The following GPR158 variants were observed in gnomAD, a reference collection of about 807,000 sequenced individuals.
GPR158 encodes metabotropic glycine receptor.
GPR158 carries 30 observed loss-of-function variants against 78.2 expected under a neutral mutation model. That is an observed-to-expected ratio of 0.38 (90% CI 0.29 to 0.52). The LOEUF is 0.52. Ranked by LOEUF, GPR158 falls within the 20% of genes least tolerant of loss-of-function variation. The pLI is 0.83. For synonymous variants in GPR158, 581 were observed against 591.1 expected, an observed-to-expected ratio of 0.98 and a Z score of 0.25; for missense variants, 1,463 against 1,523.5, an observed-to-expected ratio of 0.96 and a Z score of 0.66.
chr10:25,273,487 T>C (rs1408118270), intron 2 of GPR158, among the ~76,000 whole-genome samples: 1 of 149,502 alleles, frequency 6.7e-6, no homozygotes, highest in African/African-American at 2.5e-5. Flanking sequence ...GCAGTTGGCA[T>C]ACTTTAAACG....
intron 7 of GPR158, among the ~76,000 whole-genome samples, chr10:25,580,531 A>G (rs931503017): frequency 2.0e-5 from 3 of 151,684 alleles, no homozygotes; most frequent in Non-Finnish European, 4.4e-5. Context: ...ATTACCCTAG[A>G]AGATTAGGCT....
chr10:25,436,956 C>A (rs962027966), intron 4 of GPR158, among the ~76,000 whole-genome samples: 1 of 151,784 alleles, frequency 6.6e-6, no homozygotes, highest in African/African-American at 2.4e-5. Context: ...CTGAGCTACC[C>A]CTAAAGGAGG....
intron 5 of GPR158, among the ~76,000 whole-genome samples, chr10:25,497,320 G>T (rs1051613885): frequency 6.6e-6 from 1 of 152,142 alleles, no homozygotes; most frequent in African/African-American, 2.4e-5. Context: ...CATGTATACT[G>T]GTATTTAAAG....
At chr10:25,561,940 GGGA>G (rs1026712043) in intron 6 of GPR158, among the ~76,000 whole-genome samples, 2 of 152,052 alleles carry the variant, frequency 1.3e-5, no homozygotes, top group Non-Finnish European at 2.9e-5. Flanking sequence ...TCTCACATAT[GGGA>G]GGAGAACAAC....
intron 3 of GPR158, among the ~76,000 whole-genome samples, chr10:25,406,877 T>C (rs762307755): frequency 2.6e-5 from 4 of 152,144 alleles, no homozygotes; most frequent in Non-Finnish European, 5.9e-5. Flanking sequence ...AGATCAACAA[T>C]GAAGAGGAAG....
At chr10:25,537,916 C>T (rs1399529228) in intron 5 of GPR158, among the ~76,000 whole-genome samples, 1 of 152,180 alleles carries the variant, frequency 6.6e-6, no homozygotes, top group Non-Finnish European at 1.5e-5. Flanking sequence ...AGCCATGCTT[C>T]CTGTAGAGCC....
intron 2 of GPR158, among the ~76,000 whole-genome samples, chr10:25,322,588 T>C (rs1426371053): frequency 6.6e-6 from 1 of 152,176 alleles, no homozygotes; most frequent in Non-Finnish European, 1.5e-5. Context: ...GTGAATCCTT[T>C]CCAGAAGGTT....
chr10:25,370,691 A>G (rs1233339312), intron 2 of GPR158, among the ~76,000 whole-genome samples: 2 of 150,910 alleles, frequency 1.3e-5, no homozygotes, highest in Non-Finnish European at 3.0e-5. Context: ...GGTCCGCTTG[A>G]TGCAGAGCTG....
At chr10:25,390,245 CTAAAATGTG>C (rs1461406325) in intron 2 of GPR158, among the ~76,000 whole-genome samples, 1 of 152,150 alleles carries the variant, frequency 6.6e-6, no homozygotes, top group Non-Finnish European at 1.5e-5. Flanking sequence ...TTAAGATACC[CTAAAATGTG>C]TAATTTACTT....
At chr10:25,405,128 A>G (rs1834495181) in intron 3 of GPR158, among the ~76,000 whole-genome samples, 1 of 152,144 alleles carries the variant, frequency 6.6e-6, no homozygotes, top group Non-Finnish European at 1.5e-5. Flanking sequence ...ACATCAATGT[A>G]GAAGAGACCA....
chr10:25,476,843 A>T (rs1466060852), intron 5 of GPR158, among the ~76,000 whole-genome samples: 11 of 152,150 alleles, frequency 7.2e-5, no homozygotes, highest in Non-Finnish European at 4.4e-5. Flanking sequence ...AACAAAAGGC[A>T]CAGAGGATGA....
intron 1 of GPR158, among the ~76,000 whole-genome samples, chr10:25,216,567 A>G (rs1179574340): frequency 6.6e-6 from 1 of 152,150 alleles, no homozygotes; most frequent in Non-Finnish European, 1.5e-5. Flanking sequence ...TTAGGAGCTA[A>G]GGAAAAATAT....
At chr10:25,282,653 T>C (rs1328699126) in intron 2 of GPR158, among the ~76,000 whole-genome samples, 1 of 152,158 alleles carries the variant, frequency 6.6e-6, no homozygotes, top group Non-Finnish European at 1.5e-5. Flanking sequence ...AGTTTTAAAA[T>C]AATGTTAGTC....
chr10:25,220,297 G>A (rs1199992949), intron 1 of GPR158, among the ~76,000 whole-genome samples: 5 of 152,122 alleles, frequency 3.3e-5, no homozygotes, highest in African/African-American at 1.2e-4. Context: ...ATAGAAAGGA[G>A]GGAATCTTAG....
At chr10:25,488,874 T>C (rs1231008214) in intron 5 of GPR158, among the ~76,000 whole-genome samples, 1 of 152,052 alleles carries the variant, frequency 6.6e-6, no homozygotes, top group Non-Finnish European at 1.5e-5. Flanking sequence ...TCAAAAACCT[T>C]TGAAAGTTAT....
intron 2 of GPR158, among the ~76,000 whole-genome samples, chr10:25,337,275 G>A (rs755308592): frequency 1.3e-5 from 2 of 152,030 alleles, no homozygotes; most frequent in Non-Finnish European, 2.9e-5. Context: ...TCAACATAGA[G>A]AACATTACTA....
intron 2 of GPR158, among the ~76,000 whole-genome samples, chr10:25,380,354 C>T (rs575687315): frequency 6.6e-6 from 1 of 152,188 alleles, no homozygotes; most frequent in East Asian, 1.9e-4. Flanking sequence ...TTATAAAGTT[C>T]TACATGTTTC....
At chr10:25,201,493 T>C (rs1249157257) in intron 1 of GPR158, among the ~76,000 whole-genome samples, 1 of 152,186 alleles carries the variant, frequency 6.6e-6, no homozygotes, top group Non-Finnish European at 1.5e-5. Flanking sequence ...CTTTTATTTC[T>C]TTCTCTTGCC....
rs527370517 is a variant in GPR158, at chr10:25,443,659, G to A, written c.1336-22992G>A. ...TGACCTCAAGCGATCATTCCACTTCGTCCTCCCAAAGCTCTGGGATTACAG... is the reference window on the plus strand; with the variant it reads ...TGACCTCAAGCGATCATTCCACTTCATCCTCCCAAAGCTCTGGGATTACAG... On this transcript the variant is annotated intron_variant, in intron 4 of 10. Transcript: ENST00000376351. Among the ~76,000 whole-genome samples, 29 of 145,026 alleles carry A rather than the reference G, an allele frequency of 2.0e-4. No homozygotes were observed. In the South Asian group the frequency reaches 4.7e-3, roughly 24 times the overall value.
Sources: allele counts gnomAD v4.1 joint callset (sites outside exome capture counted in the v4.1 genomes callset), GRCh38; gene constraint gnomAD v4.1.1; transcripts MANE v1.5; gene names NCBI Gene and HGNC (gene_info 2026-07-23, HGNC 2026-07-21).